The following INTS6 variants were observed in gnomAD, a reference collection of about 807,000 sequenced individuals.
INTS6 encodes the protein integrator complex subunit 6.
In INTS6, 16 loss-of-function variants were observed where a neutral mutation model predicts 104.9. That is an observed-to-expected ratio of 0.15 (90% CI 0.10 to 0.23). The LOEUF is 0.23. Ranked by LOEUF, INTS6 falls within the 10% of genes least tolerant of loss-of-function variation. The pLI is 1.00. For missense variants in INTS6, 584 were observed against 1,062.8 expected (o/e 0.55, Z 6.26); for synonymous variants, 324 against 358.7 (o/e 0.90, Z 1.09).
chr13:51,393,847 C>G (rs964831995), intron 5 of INTS6, among the ~76,000 whole-genome samples: 1 of 152,178 alleles, frequency 6.6e-6, no homozygotes, highest in African/African-American at 2.4e-5. Context: ...TTACACCACT[C>G]ACTTGACTTC....
At chr13:51,367,254 A>G (rs1955710602) in intron 17 of INTS6, among the ~76,000 whole-genome samples, 1 of 152,018 alleles carries the variant, frequency 6.6e-6, no homozygotes, top group African/African-American at 2.4e-5. Flanking sequence ...TACATATTCA[A>G]TACAGATACA....
rs1955720025 is a variant in INTS6, at chr13:51,367,722, A to C, written c.2570+83T>G. 3 of 727,390 alleles carry C rather than the reference A, an allele frequency of 4.1e-6. No individual in the cohort carries two copies. In the South Asian group the frequency reaches 5.3e-5, roughly 13 times the overall value. 45.1% of individuals were successfully genotyped at this position (727,390 alleles called of 1,614,324 possible). The stretch of plus-strand genomic sequence containing the variant: ...ATACATTTATAAACAATACAAGTGC[A>C]AAACGGATACTATTAAAATACTGCC... On this transcript the variant is annotated intron_variant, in intron 17 of 17. Coordinates refer to ENST00000311234, the MANE Select transcript of INTS6 (RefSeq NM_012141.3).
At chr13:51,409,559 C>T (rs1956644661) in intron 4 of INTS6, among the ~76,000 whole-genome samples, 1 of 151,554 alleles carries the variant, frequency 6.6e-6, no homozygotes. Context: ...TGTCAACTGC[C>T]TTTATTTGTG....
At chr13:51,429,785 A>AAAAAAAAAAAAAAAAAATATATATATAT (rs1156333077) in intron 4 of INTS6, among the ~76,000 whole-genome samples, 1 of 92,378 alleles carries the variant, frequency 1.1e-5, no homozygotes, top group Admixed American at 1.4e-4. Context: ...AAAAAAAAAA[A>AAAAAAAAAAAAAAAAAATATATATATAT]ATATATATAT....
chr13:51,417,452 CTTTTTTTTT>C (rs34887995), intron 4 of INTS6, among the ~76,000 whole-genome samples: 1 of 112,578 alleles, frequency 8.9e-6, no homozygotes, highest in Non-Finnish European at 1.7e-5. Context: ...TAAGAAAATT[CTTTTTTTTT>C]TTTTTTTTTT....
chr13:51,440,451 T>C (rs1442211484), intron 3 of INTS6: 1 of 152,126 alleles, frequency 6.6e-6, no homozygotes, highest in Non-Finnish European at 1.5e-5. Flanking sequence ...TTTTAATAAA[T>C]TTAGTGTAGC....
intron 4 of INTS6, among the ~76,000 whole-genome samples, chr13:51,402,011 T>C (rs1383928416): frequency 6.6e-6 from 1 of 152,188 alleles, no homozygotes; most frequent in Non-Finnish European, 1.5e-5. Flanking sequence ...AGTCCTTAAT[T>C]AATACATCTT....
At position 51,362,484 on chromosome 13, in the gene INTS6, G is replaced by C. The variant is rs1175503848; in HGVS notation, c.*3268C>G. ...GGACACACAAATATTCTTAGGCTTC[G>C]ACAATATTGAACAAAGTCTTTAGAT... On this transcript the variant is annotated 3_prime_UTR_variant, in exon 18 of 18. Coordinates refer to ENST00000311234, the MANE Select transcript of INTS6 (RefSeq NM_012141.3). The C allele has an allele frequency of 6.6e-6, 1 of 152,572 alleles. No individual in the cohort carries two copies. Among genetic ancestry groups the C allele is most frequent in the Non-Finnish European group, 1.5e-5 (1 of 68,094 alleles). 9.5% of individuals were successfully genotyped at this position (152,572 alleles called of 1,614,324 possible).
At chr13:51,405,986 A>G (rs2138011133) in intron 4 of INTS6, among the ~76,000 whole-genome samples, 1 of 152,294 alleles carries the variant, frequency 6.6e-6, no homozygotes, top group South Asian at 2.1e-4. Context: ...GCAGCATTCA[A>G]AACTACTTCC....
chr13:51,445,139 T>TA (rs924312725), intron 3 of INTS6: 5 of 152,332 alleles, frequency 3.3e-5, no homozygotes, highest in African/African-American at 4.8e-5. Flanking sequence ...GAAAGAATCC[T>TA]AAGGCATGTG....
chr13:51,410,361 T>C (rs1047898525), intron 4 of INTS6, among the ~76,000 whole-genome samples: 13 of 152,322 alleles, frequency 8.5e-5, no homozygotes, highest in African/African-American at 2.2e-4. Flanking sequence ...CCATGTTGTA[T>C]TGCCGAAGAC....
chr13:51,434,722 AGC>A (rs1957155849), intron 3 of INTS6, among the ~76,000 whole-genome samples: 1 of 148,984 alleles, frequency 6.7e-6, no homozygotes, highest in Non-Finnish European at 1.5e-5. Context: ...GTGAACATGT[AGC>A]TCCAAGAAAG....
chr13:51,380,997 G>GA (rs1956037798), intron 10 of INTS6, among the ~76,000 whole-genome samples: 2 of 152,004 alleles, frequency 1.3e-5, no homozygotes, highest in African/African-American at 4.8e-5. Flanking sequence ...ACCACAGACT[G>GA]AAAACGTTAG....
the INTS6 span, chr13:51,348,286 G>C: frequency 6.2e-7 from 1 of 1,611,682 alleles, no homozygotes; most frequent in South Asian, 1.1e-5. Context: ...CAGTGAGTCT[G>C]TTCCTGGTGC....
intron 3 of INTS6, among the ~76,000 whole-genome samples, chr13:51,354,768 G>A (rs1469714093): frequency 6.6e-6 from 1 of 152,174 alleles, no homozygotes; most frequent in East Asian, 1.9e-4. Context: ...GAAAAGAGGA[G>A]GAGGTAACAA....
chr13:51,432,151 A>G (rs895547402), intron 3 of INTS6, among the ~76,000 whole-genome samples: 2 of 152,098 alleles, frequency 1.3e-5, no homozygotes, highest in Non-Finnish European at 2.9e-5. Flanking sequence ...CCTGATTACT[A>G]TGGCCTTTAG....
At chr13:51,376,606 C>T (rs570284795) in intron 12 of INTS6, among the ~76,000 whole-genome samples, 1 of 152,148 alleles carries the variant, frequency 6.6e-6, no homozygotes, top group African/African-American at 2.4e-5. Context: ...TTTCCACCAT[C>T]CCCAAGTTTG....
chr13:51,424,704 A>C (rs922439895), intron 4 of INTS6, among the ~76,000 whole-genome samples: 4 of 152,060 alleles, frequency 2.6e-5, no homozygotes, highest in Non-Finnish European at 5.9e-5. Context: ...TCTGAATCGC[A>C]AATCAGTAAG....
At chr13:51,345,949 G>A in the INTS6 span, among the ~76,000 whole-genome samples, 1 of 152,284 alleles carries the variant, frequency 6.6e-6, no homozygotes, top group East Asian at 1.9e-4. Context: ...AGCTGCTAGG[G>A]TTCTATTTCA....
Sources: allele counts gnomAD v4.1 joint callset (sites outside exome capture counted in the v4.1 genomes callset), GRCh38; gene constraint gnomAD v4.1.1; transcripts MANE v1.5; gene names NCBI Gene and HGNC (gene_info 2026-07-23, HGNC 2026-07-21).